DENND5A: variants seen among roughly 807,000 people sequenced by gnomAD.
The protein encoded by DENND5A is DENN domain containing 5A.
DENND5A carries 64 observed loss-of-function variants against 140.3 expected under a neutral mutation model. That is an observed-to-expected ratio of 0.46 (90% confidence interval 0.37 to 0.56). The LOEUF (loss-of-function observed/expected upper bound fraction) is 0.56, where lower values mean the gene tolerates loss of function less well. Ranked by LOEUF, DENND5A falls within the 20% of genes least tolerant of loss-of-function variation. DENND5A has a pLI of 0.00. For missense variants in DENND5A, 1,292 were observed against 1,593.8 expected (o/e 0.81, Z 3.22); for synonymous variants, 605 against 607.7 (o/e 1.00, Z 0.07).
chr11:9,248,295 CTTA>C (rs1564939918), intron 1 of DENND5A, among the ~76,000 whole-genome samples: 1 of 151,934 alleles, frequency 6.6e-6, no homozygotes, highest in Non-Finnish European at 1.5e-5. Flanking sequence ...AATTTCGTAT[CTTA>C]TTGTCAGAGT....
chr11:9,174,413 A>G (rs1848482676), intron 8 of DENND5A, among the ~76,000 whole-genome samples: 1 of 151,826 alleles, frequency 6.6e-6, no homozygotes, highest in African/African-American at 2.4e-5. Flanking sequence ...TGACAAAGAT[A>G]TGCCCTGTTA....
Position 9,265,231 on chromosome 11 carries a change from T to A in DENND5A, c.-162A>T, listed in dbSNP as rs1852396422. 7.4e-6 allele frequency: 2 copies of A among 271,608 alleles called. No homozygotes were observed. Among genetic ancestry groups the A allele is most frequent in the African/African-American group, 2.3e-5 (1 of 43,180 alleles). The allele number at this position is 271,608 out of a possible 1,614,324, so 16.8% of individuals were successfully genotyped here. On this transcript the variant is annotated 5_prime_UTR_variant, in exon 1 of 23. Transcript: ENST00000328194. The surrounding 1 kb of genome is among the most constrained non-coding windows in gnomAD (Gnocchi z 4.7). ...GCCCGGTCCCCTCGGCCGCCGCGGCTGCCGTGACGGGGCGGGGGGGCACCG... is the reference window on the plus strand; with the variant it reads ...GCCCGGTCCCCTCGGCCGCCGCGGCAGCCGTGACGGGGCGGGGGGGCACCG...
At chr11:9,174,301 C>T (rs1848479399) in intron 8 of DENND5A, among the ~76,000 whole-genome samples, 3 of 151,324 alleles carry the variant, frequency 2.0e-5, no homozygotes, top group East Asian at 1.9e-4. Context: ...AGTTAAAAAC[C>T]GGAAACTGTC....
chr11:9,154,348 G>C (rs530761583), intron 12 of DENND5A, among the ~76,000 whole-genome samples: 4 of 152,218 alleles, frequency 2.6e-5, no homozygotes, highest in African/African-American at 9.6e-5. Flanking sequence ...CAAAACCATT[G>C]CTCTTAATAA....
At chr11:9,232,895 C>T (rs193039171) in intron 1 of DENND5A, among the ~76,000 whole-genome samples, 146 of 152,252 alleles carry the variant, frequency 9.6e-4, no homozygotes, top group African/African-American at 2.6e-3. Context: ...GCAGTGAGAA[C>T]GACCAACCTA....
At chr11:9,147,495 T>G (rs1385362815) in intron 15 of DENND5A, among the ~76,000 whole-genome samples, 1 of 152,230 alleles carries the variant, frequency 6.6e-6, no homozygotes, top group Non-Finnish European at 1.5e-5. Flanking sequence ...GGCTTCTAGC[T>G]AGGCTGTCAG....
At chr11:9,208,940 A>T (rs1470451335) in intron 1 of DENND5A, among the ~76,000 whole-genome samples, 1 of 152,254 alleles carries the variant, frequency 6.6e-6, no homozygotes, top group African/African-American at 2.4e-5. Flanking sequence ...ACCCATGGTA[A>T]GCCTGCACTT....
At chr11:9,253,042 G>A (rs963857541) in intron 1 of DENND5A, among the ~76,000 whole-genome samples, 12 of 151,934 alleles carry the variant, frequency 7.9e-5, no homozygotes, top group Non-Finnish European at 1.5e-4. Context: ...GTAGAGACCC[G>A]AGTCTCGCCA....
intron 1 of DENND5A, among the ~76,000 whole-genome samples, chr11:9,255,256 T>C (rs551295894): frequency 2.6e-5 from 4 of 152,276 alleles, no homozygotes; most frequent in African/African-American, 9.6e-5. Flanking sequence ...TGTACACTAG[T>C]GCAGCTGTTT....
intron 5 of DENND5A, among the ~76,000 whole-genome samples, chr11:9,190,338 C>A (rs1849073582): frequency 6.6e-6 from 1 of 152,124 alleles, no homozygotes; most frequent in Non-Finnish European, 1.5e-5. Flanking sequence ...GCTGTGTCCC[C>A]ACCCAAATCT....
At chr11:9,173,993 C>T (rs1848460142) in intron 8 of DENND5A, among the ~76,000 whole-genome samples, 1 of 150,390 alleles carries the variant, frequency 6.6e-6, no homozygotes, top group African/African-American at 2.5e-5. Flanking sequence ...GTCCCAGCTA[C>T]TCGGGAGGCT....
intron 4 of DENND5A, among the ~76,000 whole-genome samples, chr11:9,194,285 CT>C (rs1849241519): frequency 6.6e-6 from 1 of 152,166 alleles, no homozygotes; most frequent in African/African-American, 2.4e-5. Flanking sequence ...TCCCTAGAGG[CT>C]GGGCATGGTG....
chr11:9,252,839 G>A (rs904301945), intron 1 of DENND5A, among the ~76,000 whole-genome samples: 8 of 148,744 alleles, frequency 5.4e-5, no homozygotes, highest in Non-Finnish European at 1.2e-4. Flanking sequence ...TCAAAGCCAG[G>A]GACAGCAACA....
intron 17 of DENND5A, 158 bp downstream of exon 17, chr11:9,145,512 G>C (rs1590204610): frequency 7.1e-6 from 6 of 845,170 alleles, no homozygotes; most frequent in Admixed American, 4.6e-5. Context: ...CTCAGGGTCA[G>C]TCTTTGGATC....
chr11:9,249,593 A>G (rs1851629300), intron 1 of DENND5A, among the ~76,000 whole-genome samples: 1 of 151,950 alleles, frequency 6.6e-6, no homozygotes, highest in South Asian at 2.1e-4. Context: ...TTGTTGCCCA[A>G]ACTGGAGTGC....
chr11:9,255,497 C>T (rs1010196962), intron 1 of DENND5A, among the ~76,000 whole-genome samples: 4 of 151,894 alleles, frequency 2.6e-5, no homozygotes, highest in Non-Finnish European at 5.9e-5. Flanking sequence ...TTTGGGAGGT[C>T]GAGGCAGGTG....
intron 1 of DENND5A, among the ~76,000 whole-genome samples, chr11:9,246,951 C>T (rs1851498920): frequency 6.6e-6 from 1 of 152,080 alleles, no homozygotes; most frequent in Non-Finnish European, 1.5e-5. Context: ...CTTGCCTTGG[C>T]CGGGCGCGGT....
Position 9,204,139 on chromosome 11 carries a change from T to C in DENND5A, c.470A>G (p.His157Arg), listed in dbSNP as rs1369878046. 1 of 1,614,190 alleles carries C rather than the reference T, an allele frequency of 6.2e-7. No homozygotes were observed. The highest frequency in any genetic ancestry group is 1.7e-5 in the Admixed American group (1 of 60,024). ...CSAMQTLYHMHNAEYDVLHAP... is the reference protein window; with the variant it reads ...CSAMQTLYHMRNAEYDVLHAP... ...ATGTAGGACATCATACTCAGCATTG[T>C]GCATGTGGTAGAGGGTCTGCATTGC... Residue 157 changes from histidine to arginine, a missense_variant, in exon 4 of 23, where the codon CAC becomes CGC. His to Arg is a conservative substitution (Grantham distance 29). Coordinates refer to ENST00000328194, the MANE Select transcript of DENND5A (RefSeq NM_015213.4).
intron 2 of DENND5A, 32 bp from the exon 3 acceptor site, chr11:9,206,814 T>C: frequency 6.7e-7 from 1 of 1,483,304 alleles, no homozygotes. Context: ...AAATCATTTC[T>C]ACAAAATCCC....
Sources: gnomAD v4.1 joint callset for allele counts (sites outside exome capture counted in the v4.1 genomes callset) on GRCh38, gnomAD v4.1.1 for gene constraint, Gnocchi (gnomAD v3.1) non-coding constraint, MANE v1.5 for transcripts, NCBI Gene and HGNC (gene_info 2026-07-23, HGNC 2026-07-21) for gene names.